CRPPA: variants seen among roughly 807,000 people sequenced by gnomAD.
The protein encoded by CRPPA is CDP-L-ribitol pyrophosphorylase A.
A neutral mutation model predicts 52.0 loss-of-function variants in CRPPA; 43 were observed. The observed-to-expected ratio is 0.83, with a 90% confidence interval of 0.65 to 1.07. CRPPA has a LOEUF of 1.07. CRPPA is among the 50% of genes least tolerant of loss of function. CRPPA has a pLI of 0.00. For missense variants in CRPPA, 629 were observed against 551.7 expected, an observed-to-expected ratio of 1.14 and a Z score of -1.40; for synonymous variants, 250 against 203.5, an observed-to-expected ratio of 1.23 and a Z score of -1.94.
intron 3 of CRPPA, among the ~76,000 whole-genome samples, chr7:16,352,481 G>A (rs948843372): frequency 3.3e-5 from 5 of 151,536 alleles, no homozygotes; most frequent in Non-Finnish European, 7.4e-5. Flanking sequence ...GACATACAAA[G>A]GTCCAGATAT....
intron 3 of CRPPA, among the ~76,000 whole-genome samples, chr7:16,374,156 C>T (rs781230390): frequency 6.6e-6 from 1 of 152,100 alleles, no homozygotes; most frequent in Admixed American, 6.5e-5. Flanking sequence ...GAGAGGAAAA[C>T]CCACCTTCAA....
intron 9 of CRPPA, among the ~76,000 whole-genome samples, chr7:16,212,483 C>T (rs754589035): frequency 7.9e-5 from 12 of 152,094 alleles, no homozygotes; most frequent in Non-Finnish European, 1.5e-4. Flanking sequence ...TTGATCAAGA[C>T]GTCTGACAAA....
chr7:16,203,326 G>C (rs1781898793), intron 9 of CRPPA, among the ~76,000 whole-genome samples: 1 of 152,122 alleles, frequency 6.6e-6, no homozygotes, highest in Non-Finnish European at 1.5e-5. Flanking sequence ...AGTTTGGGTG[G>C]AGCTGACCTG....
chr7:16,395,965 T>A (rs181102330), intron 2 of CRPPA, among the ~76,000 whole-genome samples: 16 of 152,308 alleles, frequency 1.1e-4, no homozygotes, highest in East Asian at 1.9e-4. Context: ...TCCACCTCAT[T>A]CCCATAGCAC....
intron 2 of CRPPA, among the ~76,000 whole-genome samples, chr7:16,379,598 A>G (rs1787016296): frequency 1.3e-5 from 2 of 152,136 alleles, no homozygotes; most frequent in South Asian, 2.1e-4. Context: ...CCATTTTCAC[A>G]ATATTGATTC....
chr7:16,329,201 C>T (rs912589590), intron 3 of CRPPA, among the ~76,000 whole-genome samples: 13 of 152,146 alleles, frequency 8.5e-5, no homozygotes, highest in South Asian at 2.1e-4. Context: ...CACACTAAAA[C>T]TAATTTGGTG....
intron 9 of CRPPA, among the ~76,000 whole-genome samples, chr7:16,120,464 T>C (rs1782459924): frequency 6.6e-6 from 1 of 152,182 alleles, no homozygotes; most frequent in Admixed American, 6.5e-5. Context: ...TTGTACTATA[T>C]AGATGTCAGT....
At chr7:16,254,658 A>G (rs1173406876) in intron 8 of CRPPA, among the ~76,000 whole-genome samples, 1 of 151,918 alleles carries the variant, frequency 6.6e-6, no homozygotes, top group Non-Finnish European at 1.5e-5. Context: ...TACTGGTTAC[A>G]GCATACCAAC....
chr7:16,109,551 A>G (rs578181894), intron 9 of CRPPA, among the ~76,000 whole-genome samples: 16 of 152,134 alleles, frequency 1.1e-4, no homozygotes, highest in Admixed American at 6.6e-4. Context: ...TTGCAGACCA[A>G]TATCTTTCAG....
At chr7:16,302,159 G>T (rs1360489028) in intron 4 of CRPPA, among the ~76,000 whole-genome samples, 2 of 152,026 alleles carry the variant, frequency 1.3e-5, no homozygotes, top group Admixed American at 6.5e-5. Flanking sequence ...AGCCAGGCGC[G>T]GTGGCGGGCG....
At chr7:16,388,508 A>G (rs1787353833) in intron 2 of CRPPA, among the ~76,000 whole-genome samples, 1 of 152,202 alleles carries the variant, frequency 6.6e-6, no homozygotes, top group African/African-American at 2.4e-5. Context: ...AAATTAAAAC[A>G]GACAAAGAGT....
intron 9 of CRPPA, among the ~76,000 whole-genome samples, chr7:16,111,200 G>C (rs754644301): frequency 2.2e-4 from 34 of 152,162 alleles, no homozygotes; most frequent in Non-Finnish European, 4.9e-4. Flanking sequence ...GTAATCACTA[G>C]AGAAATGCAA....
chr7:16,366,200 C>T (rs1477749649), intron 3 of CRPPA, among the ~76,000 whole-genome samples: 3 of 152,130 alleles, frequency 2.0e-5, no homozygotes, highest in Non-Finnish European at 2.9e-5. Flanking sequence ...TTCATAAAGG[C>T]AGAGCCGTCA....
chr7:16,387,586 G>A (rs1011970859), intron 2 of CRPPA, among the ~76,000 whole-genome samples: 1 of 148,658 alleles, frequency 6.7e-6, no homozygotes. Context: ...TCTATCACAT[G>A]CTGTCTACAA....
intron 9 of CRPPA, among the ~76,000 whole-genome samples, chr7:16,188,692 G>C (rs1174811562): frequency 6.6e-6 from 1 of 152,102 alleles, no homozygotes; most frequent in Non-Finnish European, 1.5e-5. Flanking sequence ...GAACACAGTA[G>C]GCCCTCAGTA....
chr7:16,395,592 A>C (rs908168645), intron 2 of CRPPA, among the ~76,000 whole-genome samples: 1 of 152,226 alleles, frequency 6.6e-6, no homozygotes, highest in African/African-American at 2.4e-5. Flanking sequence ...TAATTTGTCC[A>C]ATATAGAAAC....
chr7:16,375,744 T>A (rs1011593719), intron 3 of CRPPA, among the ~76,000 whole-genome samples: 2 of 152,184 alleles, frequency 1.3e-5, no homozygotes, highest in Non-Finnish European at 2.9e-5. Context: ...GATATCCAGA[T>A]GACCAATCGA....
chr7:16,376,995 A>G (rs1473929901), intron 2 of CRPPA, among the ~76,000 whole-genome samples: 3 of 152,192 alleles, frequency 2.0e-5, no homozygotes, highest in African/African-American at 7.2e-5. Context: ...GCAGTTAACC[A>G]AACCTTATAT....
intron 9 of CRPPA, among the ~76,000 whole-genome samples, chr7:16,116,986 C>A (rs1782388599): frequency 1.3e-5 from 2 of 152,158 alleles, no homozygotes; most frequent in South Asian, 4.1e-4. Flanking sequence ...TGTAAAGAAT[C>A]ATCATCAGCA....
Sources: allele counts gnomAD v4.1 joint callset (sites outside exome capture counted in the v4.1 genomes callset), GRCh38; gene constraint gnomAD v4.1.1; transcripts MANE v1.5; gene names NCBI Gene and HGNC (gene_info 2026-07-23, HGNC 2026-07-21).